The following COL23A1 variants were observed in gnomAD, a reference collection of about 807,000 sequenced individuals.
COL23A1 encodes collagen alpha-1(XXIII) chain.
A neutral mutation model predicts 99.3 loss-of-function variants in COL23A1; 97 were observed. That is an observed-to-expected ratio of 0.98 (90% CI 0.83 to 1.16). The LOEUF is 1.16. Ranked by LOEUF, COL23A1 falls within the 50% of genes most tolerant of loss-of-function variation. The pLI is 0.00. For missense variants in COL23A1, 762 were observed against 757.4 expected (o/e 1.01, Z -0.07); for synonymous variants, 320 against 308.2 (o/e 1.04, Z -0.40).
At chr5:178,381,930 C>T (rs764441629) in intron 2 of COL23A1, among the ~76,000 whole-genome samples, 18 of 152,232 alleles carry the variant, frequency 1.2e-4, no homozygotes, top group Non-Finnish European at 2.4e-4. Context: ...ACCATCACAC[C>T]CAGCATTGCC....
rs982894971 is a variant in COL23A1, at chr5:178,340,129, T to A, written c.362-33210A>T. ...GCTGTTTGACCTTGGGCATCTCACA[T>A]GTTTAGCCATGAGATGGGCATCATA... On this transcript the variant is annotated intron_variant, in intron 2 of 28. Transcript: ENST00000390654. The surrounding 1 kb of genome is among the most constrained non-coding windows in gnomAD (Gnocchi z 4.7). Among the ~76,000 whole-genome samples, 1 of 152,102 alleles carries A rather than the reference T, an allele frequency of 6.6e-6. No homozygotes were observed. Among genetic ancestry groups the A allele is most frequent in the African/African-American group, 2.4e-5 (1 of 41,406 alleles).
chr5:178,337,903 T>C (rs1760437229), intron 2 of COL23A1, among the ~76,000 whole-genome samples: 1 of 152,228 alleles, frequency 6.6e-6, no homozygotes, highest in African/African-American at 2.4e-5. Flanking sequence ...TTTTCATTAT[T>C]ATTGTTAAAA....
intron 5 of COL23A1, among the ~76,000 whole-genome samples, chr5:178,285,807 T>C (rs1757118178): frequency 6.6e-6 from 1 of 152,220 alleles, no homozygotes; most frequent in African/African-American, 2.4e-5. Flanking sequence ...TCTGCAAATA[T>C]ACCCCAGGCT....
intron 3 of COL23A1, among the ~76,000 whole-genome samples, chr5:178,293,697 A>C (rs112969869): frequency 0.028 from 4,182 of 150,548 alleles, 199 homozygotes; most frequent in African/African-American, 0.097. Context: ...TGGCATGGGG[A>C]AGCTGGCAGG....
chr5:178,463,643 C>T (rs777542023), intron 2 of COL23A1, among the ~76,000 whole-genome samples: 13 of 152,172 alleles, frequency 8.5e-5, no homozygotes, highest in Non-Finnish European at 1.8e-4. Flanking sequence ...GAACTCACTC[C>T]GTCACACAGC....
chr5:178,522,668 G>T (rs977408664), intron 2 of COL23A1, among the ~76,000 whole-genome samples: 7 of 152,144 alleles, frequency 4.6e-5, no homozygotes, highest in African/African-American at 1.2e-4. Flanking sequence ...AGTGGTGGAG[G>T]GCACGATAGA....
chr5:178,446,040 T>C (rs1767141335), intron 2 of COL23A1, among the ~76,000 whole-genome samples: 1 of 152,056 alleles, frequency 6.6e-6, no homozygotes, highest in Non-Finnish European at 1.5e-5. Flanking sequence ...GCCACCTCTT[T>C]AATTACGTTA....
intron 2 of COL23A1, among the ~76,000 whole-genome samples, chr5:178,430,411 T>C (rs1299613059): frequency 1.3e-5 from 2 of 152,266 alleles, no homozygotes; most frequent in Non-Finnish European, 2.9e-5. Flanking sequence ...ATCCTGGGGC[T>C]CATAGTCCCC....
chr5:178,316,735 T>C (rs1412067106), intron 2 of COL23A1, among the ~76,000 whole-genome samples: 3 of 152,184 alleles, frequency 2.0e-5, no homozygotes, highest in African/African-American at 7.2e-5. Flanking sequence ...ATTCTCTTTC[T>C]TAGCTTTTAT....
Position 178,255,082 on chromosome 5 carries a change from G to GTACCTCCATATTTGAAC in COL23A1, c.883-57_883-56insGTTCAAATATGGAGGTA. 7.0e-7 allele frequency: 1 copy of GTACCTCCATATTTGAAC among 1,430,472 alleles called. No individual in the cohort carries two copies. The highest frequency in any genetic ancestry group is 9.9e-7 in the Non-Finnish European group (1 of 1,014,950). The allele number at this position is 1,430,472 out of a possible 1,614,324, so 88.6% of individuals were successfully genotyped here. A position where few individuals can be genotyped will look rare whatever the true frequency, so the allele number is the denominator to read the frequency against. ...GGAAGAGCTACACTGAGTTGGAGGTGAAGTGGCAGCTGTCCCTGCATCACA... is the reference window on the plus strand; with the variant it reads ...GGAAGAGCTACACTGAGTTGGAGGTGTACCTCCATATTTGAACAAGTGGCAGCTGTCCCTGCATCACA... On this transcript the variant is annotated intron_variant, in intron 15 of 28. Transcript: ENST00000390654. The surrounding 1 kb of genome is among the most constrained non-coding windows in gnomAD (Gnocchi z 4.2).
chr5:178,402,693 C>T (rs1361252628), intron 2 of COL23A1, among the ~76,000 whole-genome samples: 4 of 150,958 alleles, frequency 2.6e-5, no homozygotes, highest in Non-Finnish European at 4.4e-5. Flanking sequence ...TCAAATACGG[C>T]CTGGGACATA....
chr5:178,310,873 C>A lies in COL23A1; in HGVS notation c.362-3954G>T, dbSNP rs769767375. Among the ~76,000 whole-genome samples, 11 of 152,206 alleles carry A rather than the reference C, an allele frequency of 7.2e-5. No homozygotes were observed. The highest frequency in any genetic ancestry group is 1.5e-4 in the Non-Finnish European group (10 of 68,012). The stretch of plus-strand genomic sequence containing the variant: ...TTTCTTCTTTCTACAAGCAGAAGAA[C>A]CTTTCCTGCTGCTGCCTGAGACTCA... On this transcript the variant is annotated intron_variant, in intron 2 of 28. Transcript: ENST00000390654. The surrounding 1 kb of genome is among the most constrained non-coding windows in gnomAD (Gnocchi z 4.3).
intron 25 of COL23A1, 42 bp downstream of exon 25, chr5:178,245,889 GAAGATACACAC>G: frequency 6.2e-7 from 1 of 1,600,470 alleles, no homozygotes; most frequent in Non-Finnish European, 8.6e-7. Context: ...CATGAGGGCA[GAAGATACACAC>G]AAGAGGCACC....
chr5:178,288,332 C>T lies in COL23A1; in HGVS notation c.433G>A (p.Gly145Ser). 6.2e-7 allele frequency: 1 copy of T among 1,611,470 alleles called. No individual in the cohort carries two copies. Among genetic ancestry groups the T allele is most frequent in the Non-Finnish European group, 8.5e-7 (1 of 1,177,460 alleles). ...AATAAATGACAAATTACCGGGTAGC[C>T]ATCTCGTCCTGATTGCCCCTGTGGT... The part of the protein sequence containing the change: ...PGPPGQSGRD[G>S]YPGPLGLDGK... Residue 145 changes from glycine (G) to serine (S), a missense_variant, in exon 5 of 29, where the codon GGC (glycine) becomes AGC (serine). By Grantham distance (56) the Gly-to-Ser change is moderately conservative. Coordinates refer to ENST00000390654, the MANE Select transcript of COL23A1 (RefSeq NM_173465.4).
At chr5:178,414,311 G>A (rs1214771760) in intron 2 of COL23A1, among the ~76,000 whole-genome samples, 2 of 152,140 alleles carry the variant, frequency 1.3e-5, no homozygotes, top group Non-Finnish European at 2.9e-5. Flanking sequence ...CAAGCTCTCA[G>A]AGGGCAGGAA....
intron 2 of COL23A1, among the ~76,000 whole-genome samples, chr5:178,398,415 T>C (rs1581306775): frequency 6.6e-6 from 1 of 152,152 alleles, no homozygotes; most frequent in Non-Finnish European, 1.5e-5. Flanking sequence ...TCACATTGGG[T>C]CAGGAGTTCA....
chr5:178,270,491 T>C, intron 5 of COL23A1, 128 bp from the exon 6 acceptor site: 1 of 1,114,048 alleles, frequency 9.0e-7, no homozygotes, highest in Non-Finnish European at 1.3e-6. Flanking sequence ...CTGGGTTCAG[T>C]CCATGTGGCC....
At chr5:178,416,353 C>T (rs1190889044) in intron 2 of COL23A1, among the ~76,000 whole-genome samples, 1 of 152,192 alleles carries the variant, frequency 6.6e-6, no homozygotes, top group East Asian at 1.9e-4. Context: ...GGAGGCTCCC[C>T]GGGCCTCCAT....
intron 2 of COL23A1, among the ~76,000 whole-genome samples, chr5:178,435,487 G>A (rs966495616): frequency 2.6e-5 from 4 of 152,230 alleles, no homozygotes; most frequent in Admixed American, 2.0e-4. Flanking sequence ...CTGGGGTGCA[G>A]ACCACGCATG....
Sources: gnomAD v4.1 joint callset for allele counts (sites outside exome capture counted in the v4.1 genomes callset) on GRCh38, gnomAD v4.1.1 for gene constraint, Gnocchi (gnomAD v3.1) non-coding constraint, MANE v1.5 for transcripts, NCBI Gene and HGNC (gene_info 2026-07-23, HGNC 2026-07-21) for gene names.